PIP5K1C: variants seen among roughly 807,000 people sequenced by gnomAD.
PIP5K1C encodes phosphatidylinositol 4-phosphate 5-kinase type-1 gamma.
A neutral mutation model predicts 80.1 loss-of-function variants in PIP5K1C; 45 were observed. That is an observed-to-expected ratio of 0.56 (90% CI 0.44 to 0.72). PIP5K1C has a LOEUF of 0.72. Ranked by LOEUF, PIP5K1C falls within the 30% of genes least tolerant of loss-of-function variation. The pLI is 0.00. For missense variants in PIP5K1C, 753 were observed against 954.6 expected, an observed-to-expected ratio of 0.79 and a Z score of 2.78; for synonymous variants, 498 against 420.1, an observed-to-expected ratio of 1.19 and a Z score of -2.27.
chr19:3,693,823 G>T lies in PIP5K1C; in HGVS notation c.94+6474C>A, dbSNP rs143946374. Among the ~76,000 whole-genome samples the T allele has an allele frequency of 4.5e-3, 690 of 152,282 alleles. 2 individuals are homozygous for T. The highest frequency in any genetic ancestry group is 0.016 in the African/African-American group (658 of 41,554). On this transcript the variant is annotated intron_variant, in intron 1 of 17. Transcript: ENST00000335312. ...GCATGCCTGTAACCCCAGCACTTTG[G>T]GAGGTGGAGGCAGGAGGGCTGCTTG...
At chr19:3,695,661 C>T (rs1486027162) in intron 1 of PIP5K1C, among the ~76,000 whole-genome samples, 1 of 152,052 alleles carries the variant, frequency 6.6e-6, no homozygotes, top group Non-Finnish European at 1.5e-5. Context: ...ACTTTCCGTC[C>T]CCAGTGTCCT....
chr19:3,652,869 G>A (rs918564405), intron 7 of PIP5K1C, among the ~76,000 whole-genome samples: 5 of 152,238 alleles, frequency 3.3e-5, no homozygotes, highest in African/African-American at 9.6e-5. Flanking sequence ...TTCTCTGGGG[G>A]GTGGGGGGAC....
At chr19:3,676,364 A>G (rs1460056517) in intron 1 of PIP5K1C, among the ~76,000 whole-genome samples, 1 of 152,110 alleles carries the variant, frequency 6.6e-6, no homozygotes, top group Non-Finnish European at 1.5e-5. Flanking sequence ...CTCCCAGCAC[A>G]CCCTGGTGAG....
chr19:3,690,758 G>A (rs1402510827), intron 1 of PIP5K1C, among the ~76,000 whole-genome samples: 6 of 152,130 alleles, frequency 3.9e-5, no homozygotes, highest in Non-Finnish European at 5.9e-5. Flanking sequence ...GAGCTCCTAC[G>A]AATCAACAAA....
chr19:3,659,853 G>C (rs1599998619), intron 5 of PIP5K1C, among the ~76,000 whole-genome samples: 1 of 152,116 alleles, frequency 6.6e-6, no homozygotes, highest in African/African-American at 2.4e-5. Flanking sequence ...ACCAAAGAAA[G>C]GCACAAGGAA....
rs1041384950 is a variant in PIP5K1C at position 3,652,587 on chromosome 19, C to G, written c.922-556G>C. Among the ~76,000 whole-genome samples the G allele has an allele frequency of 3.3e-5, 5 of 152,288 alleles. No individual in the cohort carries two copies. In the South Asian group the frequency reaches 1.0e-3, roughly 32 times the overall value. On this transcript the variant is annotated intron_variant, in intron 7 of 17. Coordinates refer to ENST00000335312, the MANE Select transcript of PIP5K1C (RefSeq NM_012398.3). ...AGGCTGGGGCCTCCCCTCCTTGGCTCCATGCCTCGAAGCTGCCGGGGTGGG... is the reference window on the plus strand; with the variant it reads ...AGGCTGGGGCCTCCCCTCCTTGGCTGCATGCCTCGAAGCTGCCGGGGTGGG...
chr19:3,646,123 C>T, intron 10 of PIP5K1C, 65 bp from the exon 11 acceptor site: 1 of 978,030 alleles, frequency 1.0e-6, no homozygotes. Flanking sequence ...TGGGGACAGC[C>T]CCAGACAGAC....
intron 1 of PIP5K1C, among the ~76,000 whole-genome samples, chr19:3,690,536 A>G (rs764024414): frequency 1.5e-4 from 23 of 152,170 alleles, no homozygotes; most frequent in Non-Finnish European, 2.1e-4. Flanking sequence ...AAGTTATAAA[A>G]GTCTTAGCAG....
rs757707122 is a variant in PIP5K1C, at chr19:3,682,235, A to G, written c.95-14882T>C. Among the ~76,000 whole-genome samples, 4 of 151,958 alleles carry G rather than the reference A, an allele frequency of 2.6e-5. No homozygotes were observed. In the East Asian group the frequency reaches 7.7e-4, roughly 29 times the overall value. On this transcript the variant is annotated intron_variant, in intron 1 of 17. Coordinates refer to ENST00000335312, the MANE Select transcript of PIP5K1C (RefSeq NM_012398.3). The stretch of plus-strand genomic sequence containing the variant: ...CTAAAAATACAAACATTAGCCAGGC[A>G]TGGGGGTGCGCGCCTGTAATCCCGG...
chr19:3,674,971 C>T (rs1204464927), intron 1 of PIP5K1C, among the ~76,000 whole-genome samples: 2 of 152,180 alleles, frequency 1.3e-5, no homozygotes, highest in Non-Finnish European at 2.9e-5. Flanking sequence ...GAAGACGTCA[C>T]ACTCAGTGAG....
At chr19:3,639,155 C>T (rs1032182729) in intron 15 of PIP5K1C, 139 bp from the exon 16 acceptor site, 32 of 957,816 alleles carry the variant, frequency 3.3e-5, no homozygotes, top group South Asian at 6.9e-5. Context: ...ACAGGCCGCG[C>T]GCTCCTGCGC....
chr19:3,690,391 G>C (rs1343070581), intron 1 of PIP5K1C, among the ~76,000 whole-genome samples: 4 of 151,848 alleles, frequency 2.6e-5, no homozygotes, highest in African/African-American at 9.7e-5. Flanking sequence ...AGCTAGTTGG[G>C]AGGCTGGTTT....
At chr19:3,667,901 C>G (rs2035066485) in intron 1 of PIP5K1C, among the ~76,000 whole-genome samples, 1 of 152,126 alleles carries the variant, frequency 6.6e-6, no homozygotes, top group African/African-American at 2.4e-5. Flanking sequence ...CGAGGGCAGG[C>G]TGGAGTTGCA....
intron 1 of PIP5K1C, among the ~76,000 whole-genome samples, chr19:3,697,043 A>ACCGAG (rs2145630254): frequency 6.6e-6 from 1 of 151,784 alleles, no homozygotes; most frequent in East Asian, 1.9e-4. Flanking sequence ...ACAAAGGAGG[A>ACCGAG]CTGAGCTGGA....
intron 1 of PIP5K1C, among the ~76,000 whole-genome samples, chr19:3,678,449 G>C (rs1306930232): frequency 1.6e-5 from 2 of 126,034 alleles, no homozygotes; most frequent in Non-Finnish European, 3.5e-5. Context: ...GAGAGATGGA[G>C]GATGGAGGGA....
chr19:3,656,379 T>C (rs1398837278), intron 6 of PIP5K1C, 26 bp downstream of exon 6: 1 of 1,612,260 alleles, frequency 6.2e-7, no homozygotes, highest in African/African-American at 1.3e-5. Context: ...CGAGGAGCCA[T>C]CTGCCCCGCA....
chr19:3,653,211 G>A, intron 7 of PIP5K1C, 79 bp downstream of exon 7: 6 of 1,396,090 alleles, frequency 4.3e-6, no homozygotes, highest in Middle Eastern at 2.3e-4. Context: ...ACCCTCCCTG[G>A]CCCTGCCTGC....
intron 14 of PIP5K1C, among the ~76,000 whole-genome samples, chr19:3,642,434 G>A (rs924323436): frequency 2.6e-5 from 4 of 152,168 alleles, no homozygotes; most frequent in African/African-American, 7.2e-5. Context: ...TGAGATCCCC[G>A]TCAGTCGAGT....
intron 1 of PIP5K1C, among the ~76,000 whole-genome samples, chr19:3,683,158 T>C (rs2035641861): frequency 6.6e-6 from 1 of 152,120 alleles, no homozygotes; most frequent in African/African-American, 2.4e-5. Flanking sequence ...TCTCTACTCC[T>C]TGGATCCTCC....
Sources: allele counts gnomAD v4.1 joint callset (sites outside exome capture counted in the v4.1 genomes callset), GRCh38; gene constraint gnomAD v4.1.1; transcripts MANE v1.5; gene names NCBI Gene and HGNC (gene_info 2026-07-23, HGNC 2026-07-21).